HPGD: variants seen among roughly 807,000 people sequenced by gnomAD.
HPGD encodes the protein 15-hydroxyprostaglandin dehydrogenase [NAD(+)].
A neutral mutation model predicts 30.0 loss-of-function variants in HPGD; 29 were observed. That is an observed-to-expected ratio of 0.97 (90% CI 0.72 to 1.32). The LOEUF is 1.32. HPGD is among the 40% of genes most tolerant of loss of function. The pLI, the probability that HPGD is intolerant of heterozygous loss-of-function variation, is 0.00. For missense variants in HPGD, 340 were observed against 322.1 expected (o/e 1.06, Z -0.43); for synonymous variants, 99 against 112.4 (o/e 0.88, Z 0.75).
Position 174,494,734 on chromosome 4 carries a change from C to T in HPGD, c.498+814G>A, listed in dbSNP as rs1251339473. Among the ~76,000 whole-genome samples the T allele has an allele frequency of 2.0e-5, 3 of 152,128 alleles. No homozygotes were observed. The highest frequency in any genetic ancestry group is 1.3e-4 in the Admixed American group (2 of 15,266). Reference sequence around the variant, plus strand: ...CACCTAGATGAACCACCCAGAGACCCCCTACAACTGTTCTTTCCGCTTTTA... The same window carrying T: ...CACCTAGATGAACCACCCAGAGACCTCCTACAACTGTTCTTTCCGCTTTTA... On this transcript the variant is annotated intron_variant, in intron 5 of 6. Transcript: ENST00000296522. This position sits in a 1 kb window ranked among gnomAD's most constrained non-coding sequence, Gnocchi z 4.9.
intron 2 of HPGD, among the ~76,000 whole-genome samples, chr4:174,520,087 A>G (rs113366811): frequency 0.013 from 1,930 of 152,274 alleles, 21 homozygotes; most frequent in Middle Eastern, 0.037. Context: ...ATAACTCCAC[A>G]GAAACAACCT....
At chr4:174,504,361 T>C (rs1056252075) in intron 4 of HPGD, among the ~76,000 whole-genome samples, 1 of 152,158 alleles carries the variant, frequency 6.6e-6, no homozygotes, top group African/African-American at 2.4e-5. Flanking sequence ...ATGTTTTGAC[T>C]TCTGAGTAAA....
chr4:174,506,748 C>G (rs1053978975), intron 4 of HPGD: 1 of 152,210 alleles, frequency 6.6e-6, no homozygotes, highest in Non-Finnish European at 1.5e-5. Context: ...AGTAATTCTA[C>G]ATTGCATTTC....
intron 1 of HPGD, 125 bp from the exon 2 acceptor site, chr4:174,522,192 A>C: frequency 6.7e-7 from 1 of 1,488,888 alleles, no homozygotes; most frequent in Non-Finnish European, 9.3e-7. Context: ...GTTCCCTCCC[A>C]GCCACTTCTG....
intron 3 of HPGD, among the ~76,000 whole-genome samples, chr4:174,511,909 GT>G (rs1281299451): frequency 1.3e-5 from 2 of 152,328 alleles, no homozygotes; most frequent in East Asian, 3.9e-4. Flanking sequence ...GTCTCCCAAA[GT>G]GCTGGGATTA....
chr4:174,503,428 AT>A (rs1441778960), intron 4 of HPGD, among the ~76,000 whole-genome samples: 1 of 152,230 alleles, frequency 6.6e-6, no homozygotes, highest in African/African-American at 2.4e-5. Context: ...AGATAATTAA[AT>A]TGACCTCTAT....
chr4:174,520,319 ACT>A (rs1326598406), intron 2 of HPGD, among the ~76,000 whole-genome samples: 1 of 151,934 alleles, frequency 6.6e-6, no homozygotes, highest in African/African-American at 2.4e-5. Flanking sequence ...ACTTACCTAA[ACT>A]CTCTTGGCTG....
chr4:174,513,806 T>TA (rs1488719217), intron 3 of HPGD, among the ~76,000 whole-genome samples: 1 of 151,906 alleles, frequency 6.6e-6, no homozygotes, highest in Admixed American at 6.6e-5. Flanking sequence ...TAGAATAGAT[T>TA]AAAAAATCAT....
At chr4:174,518,352 A>G (rs1485076483) in intron 2 of HPGD, among the ~76,000 whole-genome samples, 1 of 152,178 alleles carries the variant, frequency 6.6e-6, no homozygotes, top group African/African-American at 2.4e-5. Context: ...CATGATTTGT[A>G]TGCACATTGA....
intron 4 of HPGD, among the ~76,000 whole-genome samples, chr4:174,501,369 G>A (rs1318329538): frequency 6.6e-6 from 1 of 152,158 alleles, no homozygotes; most frequent in Non-Finnish European, 1.5e-5. Flanking sequence ...GTGACCATGT[G>A]AGAGCAGTCT....
chr4:174,522,044 AAG>A lies in HPGD; in HGVS notation c.115_116del (p.Leu39Ter). ...GAKVALVDWN[L>X]EAGVQCKAAL... ...CAGCTTTACACTGTACACCTGCTTCAAGATTCCAATCCACCAGCGCTACCTAT... is the reference window on the plus strand; with the variant it reads ...CAGCTTTACACTGTACACCTGCTTCAATTCCAATCCACCAGCGCTACCTAT... On this transcript the variant is annotated frameshift_variant, in exon 2 of 7. Transcript: ENST00000296522. LOFTEE classifies it high-confidence loss of function. The A allele has an allele frequency of 6.2e-7, 1 of 1,614,216 alleles. No homozygotes were observed. Among genetic ancestry groups the A allele is most frequent in the Non-Finnish European group, 8.5e-7 (1 of 1,180,012 alleles).
intron 4 of HPGD, 36 bp from the exon 5 acceptor site, chr4:174,495,660 T>C (rs1394653112): frequency 6.9e-7 from 1 of 1,456,868 alleles, no homozygotes; most frequent in Admixed American, 1.7e-5. Flanking sequence ...AATGCTTTGA[T>C]GAAAAAATAA....
intron 4 of HPGD, among the ~76,000 whole-genome samples, chr4:174,503,651 T>C (rs45549034): frequency 0.032 from 4,919 of 152,202 alleles, 265 homozygotes; most frequent in African/African-American, 0.11. Flanking sequence ...CTGGATATTC[T>C]AGTCCATTCT....
intron 3 of HPGD, among the ~76,000 whole-genome samples, chr4:174,516,255 G>A (rs138483170): frequency 2.0e-5 from 3 of 152,104 alleles, no homozygotes; most frequent in Non-Finnish European, 2.9e-5. Flanking sequence ...GCCCATCAAC[G>A]GGGGACTGGA....
chr4:174,490,386 A>C lies in HPGD; in HGVS notation c.*1570T>G, dbSNP rs1303669526. ...ATTTGAAAAAATTAATTCAAAGCAG[A>C]ATGTATATTGAAGGCTACTAGTCCA... On this transcript the variant is annotated 3_prime_UTR_variant, in exon 7 of 7. Transcript: ENST00000296522. The surrounding 1 kb of genome is among the most constrained non-coding windows in gnomAD (Gnocchi z 4.4). The C allele has an allele frequency of 2.0e-5, 3 of 152,348 alleles. No homozygotes were observed. Among genetic ancestry groups the C allele is most frequent in the African/African-American group, 7.2e-5 (3 of 41,462 alleles). 9.4% of individuals were successfully genotyped at this position (152,348 alleles called of 1,614,324 possible).
chr4:174,514,758 T>C (rs1735685216), intron 3 of HPGD, among the ~76,000 whole-genome samples: 1 of 152,174 alleles, frequency 6.6e-6, no homozygotes, highest in Non-Finnish European at 1.5e-5. Flanking sequence ...ATTCTATACA[T>C]AGAAAACACC....
At chr4:174,519,849 T>A (rs771457740) in intron 2 of HPGD, among the ~76,000 whole-genome samples, 3 of 152,206 alleles carry the variant, frequency 2.0e-5, no homozygotes, top group Non-Finnish European at 4.4e-5. Context: ...ACACAAAGCC[T>A]GTTTGGTGGT....
rs1734409970 is a variant in HPGD, at chr4:174,492,959, C to G, written c.662+192G>C. Among the ~76,000 whole-genome samples the G allele has an allele frequency of 6.6e-6, 1 of 152,020 alleles. No individual in the cohort carries two copies. The highest frequency in any genetic ancestry group is 2.4e-5 in the African/African-American group (1 of 41,416). On this transcript the variant is annotated intron_variant, in intron 6 of 6. Coordinates refer to ENST00000296522, the MANE Select transcript of HPGD (RefSeq NM_000860.6). This position sits in a 1 kb window ranked among gnomAD's most constrained non-coding sequence, Gnocchi z 4.9. ...ATTTTACATATTTCAAAGTAACATT[C>G]ATAATGTATAAACTTACATTCTATT...
chr4:174,505,801 T>C (rs1735158172), intron 4 of HPGD, among the ~76,000 whole-genome samples: 1 of 152,224 alleles, frequency 6.6e-6, no homozygotes, highest in African/African-American at 2.4e-5. Context: ...GGACAACTTC[T>C]GAAAATGGAG....
Sources: allele counts gnomAD v4.1 joint callset (sites outside exome capture counted in the v4.1 genomes callset), GRCh38; gene constraint gnomAD v4.1.1; non-coding constraint Gnocchi (gnomAD v3.1); transcripts MANE v1.5; gene names NCBI Gene and HGNC (gene_info 2026-07-23, HGNC 2026-07-21).